Variants in KHDRBS2 observed in about 807,000 individuals in gnomAD.
KHDRBS2 encodes the protein KH RNA binding domain containing, signal transduction associated 2.
Under a neutral mutation model 44.3 loss-of-function variants are expected in KHDRBS2, and 26 were observed. That is an observed-to-expected ratio of 0.59 (90% CI 0.43 to 0.81). KHDRBS2 has a LOEUF of 0.81. Among genes scored for constraint, KHDRBS2 ranks in the 40% least tolerant of loss-of-function variants. KHDRBS2 has a pLI of 0.00. For missense variants in KHDRBS2, 476 were observed against 433.1 expected (o/e 1.10, Z -0.88); for synonymous variants, 194 against 151.1 (o/e 1.28, Z -2.08).
chr6:61,695,169 C>A (rs1767767824), intron 8 of KHDRBS2, among the ~76,000 whole-genome samples: 1 of 152,064 alleles, frequency 6.6e-6, no homozygotes, highest in Admixed American at 6.6e-5. Flanking sequence ...GTTTAAAGTA[C>A]CACATCCTGT....
chr6:61,954,834 A>ATG (rs1182369414), intron 4 of KHDRBS2, among the ~76,000 whole-genome samples: 1,013 of 83,188 alleles, frequency 0.012, 179 homozygotes, highest in African/African-American at 0.055. Flanking sequence ...ACACATGCAT[A>ATG]TGTATGTATA....
At chr6:62,157,436 G>A in intron 2 of KHDRBS2, among the ~76,000 whole-genome samples, 1 of 152,160 alleles carries the variant, frequency 6.6e-6, no homozygotes, top group Non-Finnish European at 1.5e-5. Context: ...CCAACTAACT[G>A]AAATGTAGAA....
At chr6:61,921,387 G>A (rs546813685) in intron 4 of KHDRBS2, among the ~76,000 whole-genome samples, 5 of 151,874 alleles carry the variant, frequency 3.3e-5, no homozygotes, top group Non-Finnish European at 5.9e-5. Flanking sequence ...TTATGCACAC[G>A]TTAAAGCAGC....
chr6:61,998,142 T>C (rs1362063458), intron 3 of KHDRBS2, among the ~76,000 whole-genome samples: 3 of 152,136 alleles, frequency 2.0e-5, no homozygotes, highest in Non-Finnish European at 2.9e-5. Context: ...TTTAGTTAAA[T>C]GAAGAACCTG....
At chr6:61,947,946 T>C (rs1469958754) in intron 4 of KHDRBS2, among the ~76,000 whole-genome samples, 1 of 121,260 alleles carries the variant, frequency 8.2e-6, no homozygotes, top group Non-Finnish European at 1.8e-5. Flanking sequence ...ATAATAATAA[T>C]AATAATAACA....
intron 6 of KHDRBS2, among the ~76,000 whole-genome samples, chr6:61,782,061 G>A (rs1174241048): frequency 6.6e-6 from 1 of 152,128 alleles, no homozygotes; most frequent in Non-Finnish European, 1.5e-5. Context: ...TAGAGATGAA[G>A]ATCCAGTCTC....
chr6:62,194,735 G>C (rs891757913), intron 1 of KHDRBS2, among the ~76,000 whole-genome samples: 6 of 151,668 alleles, frequency 4.0e-5, no homozygotes, highest in African/African-American at 1.5e-4. Context: ...TCAAACTCCT[G>C]ATCTCAAGTG....
chr6:62,210,617 A>C (rs1318094861), intron 1 of KHDRBS2, among the ~76,000 whole-genome samples: 1 of 152,000 alleles, frequency 6.6e-6, no homozygotes, highest in Non-Finnish European at 1.5e-5. Context: ...AGGCTATTCT[A>C]GCATTCTTAA....
chr6:61,955,213 C>T (rs1247400334), intron 4 of KHDRBS2, among the ~76,000 whole-genome samples: 14 of 139,590 alleles, frequency 1.0e-4, no homozygotes, highest in Non-Finnish European at 1.7e-4. Context: ...TATATGTATA[C>T]ATATGTGTAT....
At chr6:61,862,439 G>A (rs1324407204) in intron 6 of KHDRBS2, among the ~76,000 whole-genome samples, 2 of 152,068 alleles carry the variant, frequency 1.3e-5, no homozygotes, top group South Asian at 2.1e-4. Context: ...CATTCAGTAC[G>A]ATATCATTGG....
At chr6:62,023,761 T>A (rs1782766085) in intron 3 of KHDRBS2, among the ~76,000 whole-genome samples, 1 of 151,388 alleles carries the variant, frequency 6.6e-6, no homozygotes, top group South Asian at 2.1e-4. Flanking sequence ...TATGAAAGAA[T>A]TTAGAGTAAG....
downstream of KHDRBS2, among the ~76,000 whole-genome samples, chr6:61,677,850 G>A (rs933722172): frequency 6.6e-6 from 1 of 151,746 alleles, no homozygotes; most frequent in Non-Finnish European, 1.5e-5. Flanking sequence ...CCCTCACCAG[G>A]AGGTGTTGCC....
intron 6 of KHDRBS2, among the ~76,000 whole-genome samples, chr6:61,864,006 T>G (rs956524045): frequency 1.3e-5 from 2 of 152,130 alleles, no homozygotes; most frequent in Non-Finnish European, 2.9e-5. Context: ...ATAGTTAGGT[T>G]TTTTTGTTGA....
chr6:61,795,651 T>C (rs1027211497), intron 6 of KHDRBS2, among the ~76,000 whole-genome samples: 1 of 152,202 alleles, frequency 6.6e-6, no homozygotes, highest in African/African-American at 2.4e-5. Flanking sequence ...TTGCCACAAT[T>C]TTCTTATGTG....
chr6:61,756,957 G>T (rs1778582249), intron 6 of KHDRBS2, among the ~76,000 whole-genome samples: 1 of 152,286 alleles, frequency 6.6e-6, no homozygotes, highest in South Asian at 2.1e-4. Context: ...TTATGTAAAT[G>T]CAACAACATA....
chr6:61,561,276 C>G, the KHDRBS2 span, among the ~76,000 whole-genome samples: 1 of 152,168 alleles, frequency 6.6e-6, no homozygotes, highest in African/African-American at 2.4e-5. Flanking sequence ...GCCACAAGCA[C>G]CCCTGTGGCT....
At chr6:61,952,040 C>A (rs1040301834) in intron 4 of KHDRBS2, among the ~76,000 whole-genome samples, 1 of 152,010 alleles carries the variant, frequency 6.6e-6, no homozygotes, top group Admixed American at 6.6e-5. Context: ...ATGTAACCTC[C>A]ATCAGTGACA....
chr6:62,219,011 G>A (rs1290587728), intron 1 of KHDRBS2, among the ~76,000 whole-genome samples: 1 of 151,852 alleles, frequency 6.6e-6, no homozygotes, highest in South Asian at 2.1e-4. Flanking sequence ...GAAGCACAGG[G>A]GGGAAGAAGT....
intron 2 of KHDRBS2, among the ~76,000 whole-genome samples, chr6:62,097,557 T>G (rs932787206): frequency 2.6e-5 from 4 of 152,234 alleles, no homozygotes; most frequent in African/African-American, 9.6e-5. Context: ...CCAGCTCTTT[T>G]TCAGTTTCCA....
Sources: allele counts gnomAD v4.1 joint callset (sites outside exome capture counted in the v4.1 genomes callset), GRCh38; gene constraint gnomAD v4.1.1; transcripts MANE v1.5; gene names NCBI Gene and HGNC (gene_info 2026-07-23, HGNC 2026-07-21).